The following IFT140 variants were observed in gnomAD, a reference collection of about 807,000 sequenced individuals.
The protein encoded by IFT140 is intraflagellar transport 140.
In IFT140, 133 loss-of-function variants were observed where a neutral mutation model predicts 164.6. The ratio of observed to expected loss-of-function variants is 0.81; its 90% CI spans 0.70 to 0.93. The LOEUF (loss-of-function observed/expected upper bound fraction) is 0.93. IFT140 is among the 40% of genes least tolerant of loss of function. The probability of loss-of-function intolerance (pLI) is 0.00; values close to 1 mark genes in which losing one functional copy is unlikely to be tolerated. For missense variants in IFT140, 2,045 were observed against 1,972.3 expected, an observed-to-expected ratio of 1.04 and a Z score of -0.70; for synonymous variants, 860 against 817.3, an observed-to-expected ratio of 1.05 and a Z score of -0.89.
In IFT140 at chr16:1,520,575, C is replaced by T. The variant is rs374452806; in HGVS notation, c.3660+27G>A. On this transcript the variant is annotated intron_variant, in intron 27 of 30. Coordinates refer to ENST00000426508, the MANE Select transcript of IFT140 (RefSeq NM_014714.4). ...GCAGCCTAACTGCCTGTGAGGTAGCCGCGGGCTGGGGCCGGGAGAGGCTCA... is the reference window on the plus strand; with the variant it reads ...GCAGCCTAACTGCCTGTGAGGTAGCTGCGGGCTGGGGCCGGGAGAGGCTCA... 2.3e-5 allele frequency: 36 copies of T among 1,543,776 alleles called. No homozygotes were observed. In the African/African-American group the frequency reaches 2.5e-4, roughly 11 times the overall value.
At chr16:1,588,055 C>A (rs199525056) in intron 7 of IFT140, 31 bp from the exon 8 acceptor site, 4 of 1,600,596 alleles carry the variant, frequency 2.5e-6, no homozygotes, top group Non-Finnish European at 2.6e-6. Context: ...GCAGAGGCAC[C>A]GTGCTTGCTG....
At position 1,523,908 on chromosome 16, in the gene IFT140, G is replaced by C. The variant is rs1046589259; in HGVS notation, c.3190C>G (p.Pro1064Ala). The C allele has an allele frequency of 6.2e-7, 1 of 1,613,368 alleles. No homozygotes were observed. Among genetic ancestry groups the C allele is most frequent in the Non-Finnish European group, 8.5e-7 (1 of 1,180,032 alleles). Residue 1064 changes from proline to alanine, a missense_variant, in exon 25 of 31, where the codon CCC becomes GCC. Coordinates refer to ENST00000426508, the MANE Select transcript of IFT140 (RefSeq NM_014714.4). ...QLMNLALLSS[P>A]EDMIEAARYY... ...CGGGCCGCCTCGATCATGTCCTCGG[G>C]GGAGCTCAGCAGGGCCAAGTTCATG...
chr16:1,563,658 T>C lies in IFT140; in HGVS notation c.2067+339A>G, dbSNP rs181454141. 7.4e-4 allele frequency among the ~76,000 whole-genome samples: 113 copies of C among 151,952 alleles called. 2 individuals carry two copies. The highest frequency in any genetic ancestry group is 1.0e-3 in the Non-Finnish European group (68 of 68,006). On this transcript the variant is annotated intron_variant, in intron 17 of 30. Coordinates refer to ENST00000426508, the MANE Select transcript of IFT140 (RefSeq NM_014714.4). ...AACAGACCTAGCAATGGCAAATCCA[T>C]AGAGGTGGCATCGAGGTTACAGTGA...
chr16:1,538,849 G>C (rs895322074), intron 19 of IFT140, among the ~76,000 whole-genome samples: 1 of 152,210 alleles, frequency 6.6e-6, no homozygotes, highest in South Asian at 2.1e-4. Context: ...TGTGGAGTCC[G>C]TTGGAGCAGT....
In IFT140 at chr16:1,584,338, A is replaced by G; in HGVS notation, c.1238T>C (p.Phe413Ser). ...ILSERAMSSH[F>S]HQQVAAMQVS... ...CTGCATGGCGGCCACTTGCTGGTGG[A>G]AGTGTGACGACATGGCCCGCTCGCT... is the stretch of plus-strand genomic sequence containing the variant. The change falls in exon 11 of 31, where the codon TTC (phenylalanine) becomes TCC (serine). Residue 413 changes from phenylalanine (F) to serine (S), a missense_variant. Transcript: ENST00000426508. 6.2e-7 allele frequency: 1 copy of G among 1,613,566 alleles called. No homozygotes were observed. The highest frequency in any genetic ancestry group is 8.5e-7 in the Non-Finnish European group (1 of 1,179,930).
intron 30 of IFT140, among the ~76,000 whole-genome samples, chr16:1,514,063 A>G (rs1187485581): frequency 6.6e-6 from 1 of 151,834 alleles, no homozygotes; most frequent in Non-Finnish European, 1.5e-5. Flanking sequence ...CCAGGCTTAA[A>G]GAATCAGAAT....
intron 17 of IFT140, 28 bp downstream of exon 17, chr16:1,563,969 A>G: frequency 6.5e-7 from 1 of 1,532,984 alleles, no homozygotes. Flanking sequence ...GAGTGTGTCT[A>G]AACTCAAATA....
At chr16:1,561,338 A>C (rs1363476681) in intron 18 of IFT140, among the ~76,000 whole-genome samples, 1 of 152,260 alleles carries the variant, frequency 6.6e-6, no homozygotes, top group African/African-American at 2.4e-5. Flanking sequence ...ACGGGGACCA[A>C]GTCGCAGAGA....
intron 21 of IFT140, 82 bp from the exon 22 acceptor site, chr16:1,525,408 T>A: frequency 9.6e-7 from 1 of 1,045,594 alleles, no homozygotes; most frequent in East Asian, 2.4e-5. Flanking sequence ...GCAGCGTCGG[T>A]GAAACGCATC....
chr16:1,527,870 GC>G (rs1191753810), intron 19 of IFT140, among the ~76,000 whole-genome samples: 1 of 152,226 alleles, frequency 6.6e-6, no homozygotes, highest in African/African-American at 2.4e-5. Context: ...ACCGCGCCCA[GC>G]CCCCCGCCTC....
chr16:1,561,985 C>T lies in IFT140; in HGVS notation c.2199G>A (p.Lys733=), dbSNP rs752216380. Residue 733 remains lysine, a splice_region_variant and synonymous_variant, in exon 18 of 31, where the codon AAG becomes AAA. Coordinates refer to ENST00000426508, the MANE Select transcript of IFT140 (RefSeq NM_014714.4). The part of the protein sequence containing the change: ...MEVPYYYFTR[K]PEEADREDEV... ...CTGTGCGGATGTCGTGGCTTCGTAC[C>T]TTTCTTGTGAAGTAGTAATAAGGCA... 2 of 1,597,564 alleles carry T rather than the reference C, an allele frequency of 1.3e-6. No homozygotes were observed. Among genetic ancestry groups the T allele is most frequent in the Non-Finnish European group, 1.7e-6 (2 of 1,172,998 alleles).
At position 1,564,541 on chromosome 16, in the gene IFT140, T is replaced by G. The variant is rs2033607670; in HGVS notation, c.1902-379A>C. On this transcript the variant is annotated intron_variant, in intron 16 of 30. Coordinates refer to ENST00000426508, the MANE Select transcript of IFT140 (RefSeq NM_014714.4). The surrounding 1 kb of genome is among the most constrained non-coding windows in gnomAD (Gnocchi z 5.5). ...CTGGGCGGGGTCGAGGCTTTGGCTCTGTGGTCATGCCGGGTTCCTTGTCCC... is the reference window on the plus strand; with the variant it reads ...CTGGGCGGGGTCGAGGCTTTGGCTCGGTGGTCATGCCGGGTTCCTTGTCCC... 6.6e-6 allele frequency among the ~76,000 whole-genome samples: 1 copy of G among 152,210 alleles called. No homozygotes were observed. Among genetic ancestry groups the G allele is most frequent in the Non-Finnish European group, 1.5e-5 (1 of 68,030 alleles).
chr16:1,522,220 G>C (rs2141156604), intron 26 of IFT140, among the ~76,000 whole-genome samples: 1 of 152,196 alleles, frequency 6.6e-6, no homozygotes, highest in Middle Eastern at 3.4e-3. Context: ...ACACAGGTGT[G>C]GTGGTGGGCG....
chr16:1,578,594 A>AG (rs1025015116), intron 13 of IFT140, among the ~76,000 whole-genome samples: 3 of 147,414 alleles, frequency 2.0e-5, no homozygotes, highest in South Asian at 2.2e-4. Context: ...AAAAAAAAAA[A>AG]GACATGGCCG....
chr16:1,520,332 C>A lies in IFT140; in HGVS notation c.3672G>T (p.Ala1224=), dbSNP rs765766910. The A allele has an allele frequency of 1.2e-6, 2 of 1,614,074 alleles. No homozygotes were observed. The highest frequency in any genetic ancestry group is 1.7e-6 in the Non-Finnish European group (2 of 1,180,032). Reference sequence around the variant, plus strand: ...TCTCCGTGTCTCCGGATTTGAGCAGCGCCCTCATGGCCTAGGCAGAGAGAC... The same window carrying A: ...TCTCCGTGTCTCCGGATTTGAGCAGAGCCCTCATGGCCTAGGCAGAGAGAC... ...QAGNKLKAMR[A]LLKSGDTEKI... Residue 1224 remains alanine (A), a synonymous_variant, in exon 28 of 31, where the codon GCG becomes GCT. Coordinates refer to ENST00000426508, the MANE Select transcript of IFT140 (RefSeq NM_014714.4).
At chr16:1,572,290 A>G (rs1264802547) in intron 13 of IFT140, among the ~76,000 whole-genome samples, 1 of 152,164 alleles carries the variant, frequency 6.6e-6, no homozygotes, top group Non-Finnish European at 1.5e-5. Context: ...TTATATTTTC[A>G]AAGCATCACC....
intron 15 of IFT140, among the ~76,000 whole-genome samples, chr16:1,567,722 C>A (rs1398946278): frequency 6.6e-6 from 1 of 152,184 alleles, no homozygotes; most frequent in Admixed American, 6.5e-5. Context: ...GGGAAGGAAC[C>A]AACCGGCTCC....
At chr16:1,545,092 A>T (rs759866617) in intron 19 of IFT140, among the ~76,000 whole-genome samples, 3 of 152,284 alleles carry the variant, frequency 2.0e-5, no homozygotes, top group East Asian at 1.9e-4. Context: ...AATGTATTTT[A>T]AAAAATCACA....
rs139412124 is a variant in IFT140 at position 1,606,181 on chromosome 16, C to A, written c.147+939G>T. 2.7e-3 allele frequency among the ~76,000 whole-genome samples: 411 copies of A among 152,348 alleles called. 1 individual carries two copies. The highest frequency in any genetic ancestry group is 4.6e-3 in the Non-Finnish European group (313 of 68,036). On this transcript the variant is annotated intron_variant, in intron 3 of 30. Transcript: ENST00000426508. ...CAGAATACCTTCCTGTTGTTTAAAGCCACCCAGTTTGTGGAAATGATTAGA... is the reference window on the plus strand; with the variant it reads ...CAGAATACCTTCCTGTTGTTTAAAGACACCCAGTTTGTGGAAATGATTAGA...
Sources: gnomAD v4.1 joint callset for allele counts (sites outside exome capture counted in the v4.1 genomes callset) on GRCh38, gnomAD v4.1.1 for gene constraint, Gnocchi (gnomAD v3.1) non-coding constraint, MANE v1.5 for transcripts, NCBI Gene and HGNC (gene_info 2026-07-23, HGNC 2026-07-21) for gene names.